The following KLF11 variants were observed in gnomAD, a reference collection of about 807,000 sequenced individuals.
KLF11 encodes the protein Krueppel-like factor 11.
In KLF11, 26 loss-of-function variants were observed where a neutral mutation model predicts 29.9. The ratio of observed to expected loss-of-function variants is 0.87; its 90% CI spans 0.64 to 1.21. KLF11 has a LOEUF of 1.21. KLF11 is among the 50% of genes most tolerant of loss of function. The pLI, the probability that KLF11 is intolerant of heterozygous loss-of-function variation, is 0.00. For missense variants in KLF11, 778 were observed against 665.7 expected (o/e 1.17, Z -1.86); for synonymous variants, 318 against 257.4 (o/e 1.24, Z -2.25).
rs2125278201 is a variant in KLF11, at chr2:10,047,368, T to A, written c.313-282T>A. Among the ~76,000 whole-genome samples, 5 of 152,282 alleles carry A rather than the reference T, an allele frequency of 3.3e-5. No homozygotes were observed. In the South Asian group the frequency reaches 1.0e-3, roughly 32 times the overall value. The stretch of plus-strand genomic sequence containing the variant: ...TTTGGAGAGGGATAGGAAGGGCCTG[T>A]GGGTTGTCGGGAGGGTTGCAGAAGT... On this transcript the variant is annotated intron_variant, in intron 2 of 3. Coordinates refer to ENST00000305883, the MANE Select transcript of KLF11 (RefSeq NM_003597.5).
chr2:10,052,946 T>G lies in KLF11; in HGVS notation c.*439T>G, dbSNP rs568197754. 3 of 337,374 alleles carry G rather than the reference T, an allele frequency of 8.9e-6. No individual in the cohort carries two copies. Among genetic ancestry groups the G allele is most frequent in the South Asian group, 2.3e-4 (2 of 8,790 alleles). 20.9% of individuals were successfully genotyped at this position (337,374 alleles called of 1,614,324 possible). ...TTTCTAGCTAGATCATTTTGCAGCC[T>G]TCTTTTCAGTGTTTAATAACAAAGT... On this transcript the variant is annotated 3_prime_UTR_variant, in exon 4 of 4. Transcript: ENST00000305883.
rs536776300 is a variant in KLF11, at chr2:10,052,556, A to G, written c.*49A>G. ...TGGGATTTTTAAAAAGCCTCTTTCC[A>G]GGAATGGAACTGATGGATTCCTCTC... On this transcript the variant is annotated 3_prime_UTR_variant, in exon 4 of 4. Transcript: ENST00000305883. The G allele has an allele frequency of 4.4e-6, 7 of 1,592,814 alleles. No homozygotes were observed. The South Asian group carries it at 6.7e-5, about 15-fold the overall frequency.
Position 10,053,198 on chromosome 2 carries a change from G to A in KLF11, c.*691G>A. On this transcript the variant is annotated 3_prime_UTR_variant, in exon 4 of 4. Coordinates refer to ENST00000305883, the MANE Select transcript of KLF11 (RefSeq NM_003597.5). The stretch of plus-strand genomic sequence containing the variant: ...AAAATTTTGGTTGACTGGAACTAGT[G>A]AGCTGTGTCCATGGTGTGTCATGAA... 1 of 399,372 alleles carries A rather than the reference G, an allele frequency of 2.5e-6. No homozygotes were observed. The highest frequency in any genetic ancestry group is 4.4e-6 in the Non-Finnish European group (1 of 226,738). 24.7% of individuals were successfully genotyped at this position (399,372 alleles called of 1,614,324 possible).
chr2:10,043,802 G>T (rs763286223), intron 1 of KLF11, 44 bp downstream of exon 1: 1 of 1,338,392 alleles, frequency 7.5e-7, no homozygotes. Context: ...GTCTGAGCGA[G>T]GGGCGAGGCG....
At position 10,047,937 on chromosome 2, in the gene KLF11, C is replaced by T. The variant is rs770639696; in HGVS notation, c.600C>T (p.Ser200=). Residue 200 remains serine (S), a synonymous_variant, in exon 3 of 4, where the codon AGC becomes AGT. Coordinates refer to ENST00000305883, the MANE Select transcript of KLF11 (RefSeq NM_003597.5). ...IQTPDCRLSD[S]REGEEQLLGH... Reference sequence around the variant, plus strand: ...CTCCAGATTGCCGGCTTTCTGACAGCAGAGAAGGAGAAGAGCAGCTTCTGG... The same window carrying T: ...CTCCAGATTGCCGGCTTTCTGACAGTAGAGAAGGAGAAGAGCAGCTTCTGG... 5.0e-6 allele frequency: 8 copies of T among 1,613,890 alleles called. No homozygotes were observed. In the East Asian group the frequency reaches 1.6e-4, roughly 31 times the overall value.
Position 10,054,109 on chromosome 2 carries a change from G to A in KLF11, c.*1602G>A, listed in dbSNP as rs1661486908. ...ATCAGCTGTTACTTGACACAAATGTGTGTGTTATTCAGAGGTTTTCAGTCT... is the reference window on the plus strand; with the variant it reads ...ATCAGCTGTTACTTGACACAAATGTATGTGTTATTCAGAGGTTTTCAGTCT... On this transcript the variant is annotated 3_prime_UTR_variant, in exon 4 of 4. Coordinates refer to ENST00000305883, the MANE Select transcript of KLF11 (RefSeq NM_003597.5). 6.6e-6 allele frequency: 1 copy of A among 152,164 alleles called. No homozygotes were observed. Among genetic ancestry groups the A allele is most frequent in the Non-Finnish European group, 1.5e-5 (1 of 68,028 alleles). The allele number at this position is 152,164 out of a possible 1,614,324, so 9.4% of individuals were successfully genotyped here.
chr2:10,044,280 A>T (rs1047843919), intron 1 of KLF11: 1 of 982,894 alleles, frequency 1.0e-6, no homozygotes, highest in Non-Finnish European at 1.2e-6. Flanking sequence ...GGAGCGCCGC[A>T]CTGCCTTGGA....
Position 10,048,391 on chromosome 2 carries a change from G to C in KLF11, c.1054G>C (p.Ala352Pro), listed in dbSNP as rs929349988. The change falls in exon 3 of 4, where the codon GCC becomes CCC. Residue 352 changes from alanine to proline, a missense_variant. Ala to Pro is a conservative substitution (Grantham distance 27, BLOSUM62 -1). Coordinates refer to ENST00000305883, the MANE Select transcript of KLF11 (RefSeq NM_003597.5). ...GCCCCAGGGAGCCCTCCCTCCGCCTGCCCCCTGTGCAGCCAATGTCATGGC... is the reference window on the plus strand; with the variant it reads ...GCCCCAGGGAGCCCTCCCTCCGCCTCCCCCCTGTGCAGCCAATGTCATGGC... ...VLPQGALPPPAPCAANVMAAG... is the reference protein window; with the variant it reads ...VLPQGALPPPPPCAANVMAAG... 2 of 1,613,246 alleles carry C rather than the reference G, an allele frequency of 1.2e-6. No homozygotes were observed. Among genetic ancestry groups the C allele is most frequent in the Admixed American group, 3.3e-5 (2 of 59,990 alleles).
In KLF11 at chr2:10,052,044, A is replaced by C. The variant is rs1320301501; in HGVS notation, c.1259-183A>C. The stretch of plus-strand genomic sequence containing the variant: ...TTGGGTGCTAACATAGCTGCATCTT[A>C]AGTGTGGGAGGAATAAATGCCTTTT... On this transcript the variant is annotated intron_variant, in intron 3 of 3. Coordinates refer to ENST00000305883, the MANE Select transcript of KLF11 (RefSeq NM_003597.5). 3.3e-5 allele frequency among the ~76,000 whole-genome samples: 5 copies of C among 152,202 alleles called. No individual in the cohort carries two copies. In the East Asian group the frequency reaches 7.7e-4, roughly 23 times the overall value.
At position 10,052,596 on chromosome 2, in the gene KLF11, A is replaced by C; in HGVS notation, c.*89A>C. The C allele has an allele frequency of 7.2e-7, 1 of 1,380,328 alleles. No homozygotes were observed. The highest frequency in any genetic ancestry group is 1.0e-6 in the Non-Finnish European group (1 of 996,564). The allele number at this position is 1,380,328 out of a possible 1,614,324, so 85.5% of individuals were successfully genotyped here. ...GGATTCCTCTCCCACTGCCTCACCC[A>C]AAAAAAACGGTCTTGGCGGCCTAGG... is the stretch of plus-strand genomic sequence containing the variant. On this transcript the variant is annotated 3_prime_UTR_variant, in exon 4 of 4. Coordinates refer to ENST00000305883, the MANE Select transcript of KLF11 (RefSeq NM_003597.5).
At chr2:10,044,542 C>G (rs928129369) in intron 1 of KLF11, 1 of 691,386 alleles carries the variant, frequency 1.4e-6, no homozygotes, top group Non-Finnish European at 1.8e-6. Flanking sequence ...GAGGTGGCCT[C>G]GTCTTGTTTG....
rs375265808 is a variant in KLF11 at position 10,048,331 on chromosome 2, C to T, written c.994C>T (p.Pro332Ser). The stretch of plus-strand genomic sequence containing the variant: ...AGCGCCTCAACCTGTGTTCGTGGGA[C>T]CTGCTGTGCCTCAGGGAGCTGTGAT... ...APAPQPVFVGPAVPQGAVMLV... is the reference protein window; with the variant it reads ...APAPQPVFVGSAVPQGAVMLV... Residue 332 changes from proline (P) to serine (S), a missense_variant, in exon 3 of 4, where the codon CCT becomes TCT. Coordinates refer to ENST00000305883, the MANE Select transcript of KLF11 (RefSeq NM_003597.5). 3.1e-6 allele frequency: 5 copies of T among 1,602,814 alleles called. No homozygotes were observed. The highest frequency in any genetic ancestry group is 2.2e-5 in the South Asian group (2 of 89,754).
intron 3 of KLF11, among the ~76,000 whole-genome samples, chr2:10,051,195 A>G (rs1397091144): frequency 1.3e-5 from 2 of 150,480 alleles, no homozygotes; most frequent in African/African-American, 4.9e-5. Flanking sequence ...GGTGTGAGCC[A>G]CCATGCCCGG....
chr2:10,043,897 T>A (rs1364591787), intron 1 of KLF11, 139 bp downstream of exon 1: 1 of 1,033,546 alleles, frequency 9.7e-7, no homozygotes, highest in East Asian at 8.0e-5. Context: ...GGTAGGGGCC[T>A]GGGCGGGCTC....
intron 1 of KLF11, chr2:10,044,226 T>TG (rs1661104577): frequency 1.2e-6 from 1 of 803,830 alleles, no homozygotes; most frequent in Non-Finnish European, 1.4e-6. Flanking sequence ...CGCTCGGGCC[T>TG]GGGGGCGGGC....
At chr2:10,046,909 G>A (rs773085056) in intron 2 of KLF11, among the ~76,000 whole-genome samples, 1 of 152,186 alleles carries the variant, frequency 6.6e-6, no homozygotes, top group African/African-American at 2.4e-5. Flanking sequence ...TCTGAAAAAT[G>A]TGCTCTTTCT....
chr2:10,048,021 G>C lies in KLF11; in HGVS notation c.684G>C (p.Leu228Phe), dbSNP rs757926432. The stretch of plus-strand genomic sequence containing the variant: ...CGGACAGTTTACTCAGCACTAACTT[G>C]GTGTCCTGTCAGCCCTGCTTGCACA... ...HLTDSLLSTN[L>F]VSCQPCLHKS... is the part of the protein sequence containing the mutation. The change falls in exon 3 of 4, where the codon TTG (leucine) becomes TTC (phenylalanine). Residue 228 changes from leucine (L) to phenylalanine (F), a missense_variant. Transcript: ENST00000305883. 7 of 1,614,008 alleles carry C rather than the reference G, an allele frequency of 4.3e-6. No individual in the cohort carries two copies. The highest frequency in any genetic ancestry group is 1.1e-5 in the South Asian group (1 of 91,088).
intron 1 of KLF11, chr2:10,044,245 G>C: frequency 2.0e-6 from 2 of 978,986 alleles, no homozygotes; most frequent in African/African-American, 3.5e-5. Flanking sequence ...GCAAGGTCTA[G>C]GGGCCGGGGC....
rs201145049 is a variant in KLF11 at position 10,052,724 on chromosome 2, G to T, written c.*217G>T. On this transcript the variant is annotated 3_prime_UTR_variant, in exon 4 of 4. Transcript: ENST00000305883. Reference sequence around the variant, plus strand: ...TAGTTTCAGAAGTTTTTTTGTTTTGGTTTTTTTTTTAAAGAAATGGTAGAA... The same window carrying T: ...TAGTTTCAGAAGTTTTTTTGTTTTGTTTTTTTTTTTAAAGAAATGGTAGAA... 100 of 434,318 alleles carry T rather than the reference G, an allele frequency of 2.3e-4. No homozygotes were observed. The highest frequency in any genetic ancestry group is 5.8e-4 in the Middle Eastern group (1 of 1,714). The allele number at this position is 434,318 out of a possible 1,614,324, so 26.9% of individuals were successfully genotyped here. A position where few individuals can be genotyped will look rare whatever the true frequency, so the allele number is the denominator to read the frequency against.
Sources: gnomAD v4.1 joint callset for allele counts (sites outside exome capture counted in the v4.1 genomes callset) on GRCh38, gnomAD v4.1.1 for gene constraint, MANE v1.5 for transcripts, NCBI Gene and HGNC (gene_info 2026-07-23, HGNC 2026-07-21) for gene names.